The following OTX2 variants were observed in gnomAD, a reference collection of about 807,000 sequenced individuals.
OTX2 encodes homeobox protein OTX2.
A neutral mutation model predicts 29.0 loss-of-function variants in OTX2; 4 were observed. The ratio of observed to expected loss-of-function variants is 0.14; its 90% CI spans 0.07 to 0.32. OTX2 has a LOEUF of 0.32. Among genes scored for constraint, OTX2 ranks in the 10% least tolerant of loss-of-function variants. The pLI is 1.00. For synonymous variants in OTX2, 134 were observed against 141.0 expected (o/e 0.95, Z 0.35); for missense variants, 298 against 365.9 (o/e 0.81, Z 1.51).
chr14:56,803,946 C>A (rs1891982434), intron 4 of OTX2, among the ~76,000 whole-genome samples: 1 of 152,198 alleles, frequency 6.6e-6, no homozygotes. Context: ...CTCTTGAAAC[C>A]TGCTCAAGGA....
Position 56,805,351 on chromosome 14 carries a change from C to T in OTX2, c.97+9G>A. 6.3e-7 allele frequency: 1 copy of T among 1,594,360 alleles called. No individual in the cohort carries two copies. The highest frequency in any genetic ancestry group is 8.6e-7 in the Non-Finnish European group (1 of 1,162,138). ...AGAGGGGTGCGGGAGTGCAGCAGGG[C>T]TCACTTACCCGGGTAGCCCACGGAG... On this transcript the variant is annotated intron_variant, in intron 3 of 4. Transcript: ENST00000672264.
chr14:56,805,494 G>T lies in OTX2; in HGVS notation c.-38C>A. ...TGGAGGTGCAAAGTCGGCCCAAATC[G>T]GGGGTACCCAGCTGGAAGATCTTGA... On this transcript the variant is annotated 5_prime_UTR_variant, in exon 3 of 5. Coordinates refer to ENST00000672264, the MANE Select transcript of OTX2 (RefSeq NM_021728.4). The T allele has an allele frequency of 1.4e-6, 2 of 1,409,748 alleles. No homozygotes were observed. Among genetic ancestry groups the T allele is most frequent in the East Asian group, 2.3e-5 (1 of 43,660 alleles). 87.3% of individuals were successfully genotyped at this position (1,409,748 alleles called of 1,614,324 possible).
chr14:56,807,515 A>C (rs1892129378), intron 2 of OTX2, among the ~76,000 whole-genome samples: 1 of 152,180 alleles, frequency 6.6e-6, no homozygotes, highest in Non-Finnish European at 1.5e-5. Flanking sequence ...TCATACAATA[A>C]AGTAGCACAT....
rs1285502586 is a variant in OTX2 at position 56,810,237 on chromosome 14, G to T, written c.-183-15C>A. The T allele has an allele frequency of 1.3e-5, 2 of 152,098 alleles. No individual in the cohort carries two copies. The highest frequency in any genetic ancestry group is 3.8e-4 in the East Asian group (2 of 5,200). 9.4% of individuals were successfully genotyped at this position (152,098 alleles called of 1,614,324 possible). A position where few individuals can be genotyped will look rare whatever the true frequency, so the allele number is the denominator to read the frequency against. ...AGCCAGCTATCCTAAAAGAAATCAA[G>T]AGTATTGAGTTAGAAACCTTGCAGT... On this transcript the variant is annotated splice_polypyrimidine_tract_variant and intron_variant, in intron 1 of 4. Transcript: ENST00000672264.
At position 56,800,365 on chromosome 14, in the gene OTX2, A is replaced by G. The variant is rs1366431745; in HGVS notation, c.*1370T>C. On this transcript the variant is annotated 3_prime_UTR_variant, in exon 5 of 5. Coordinates refer to ENST00000672264, the MANE Select transcript of OTX2 (RefSeq NM_021728.4). The stretch of plus-strand genomic sequence containing the variant: ...TTCTCATGTTTTCAGAGATACTCCA[A>G]TTCTCCTCCTCCCTCTTAAAAACTT... 1 of 152,100 alleles carries G rather than the reference A, an allele frequency of 6.6e-6. No homozygotes were observed. The highest frequency in any genetic ancestry group is 2.1e-4 in the South Asian group (1 of 4,820). The allele number at this position is 152,100 out of a possible 1,614,324, so 9.4% of individuals were successfully genotyped here. A position where few individuals can be genotyped will look rare whatever the true frequency, so the allele number is the denominator to read the frequency against.
intron 2 of OTX2, among the ~76,000 whole-genome samples, chr14:56,809,437 T>C (rs987222745): frequency 7.5e-6 from 1 of 132,824 alleles, no homozygotes; most frequent in African/African-American, 2.7e-5. Context: ...AAAAAGGAGA[T>C]CTGGAAGCTT....
chr14:56,808,693 C>T (rs1043737352), intron 2 of OTX2, among the ~76,000 whole-genome samples: 8 of 152,132 alleles, frequency 5.3e-5, no homozygotes, highest in Admixed American at 4.6e-4. Flanking sequence ...AAATCCTGAC[C>T]CCGAAGCTCT....
chr14:56,801,581 G>T lies in OTX2; in HGVS notation c.*154C>A. 1 of 789,336 alleles carries T rather than the reference G, an allele frequency of 1.3e-6. No individual in the cohort carries two copies. The highest frequency in any genetic ancestry group is 2.1e-6 in the Non-Finnish European group (1 of 469,158). The allele number at this position is 789,336 out of a possible 1,614,324, so 48.9% of individuals were successfully genotyped here. A position where few individuals can be genotyped will look rare whatever the true frequency, so the allele number is the denominator to read the frequency against. ...GTTGCTGGTTTGTAGGCCCCTCTAA[G>T]GCCCTTCGTTTTTCCTTCTATGCCT... On this transcript the variant is annotated 3_prime_UTR_variant, in exon 5 of 5. Coordinates refer to ENST00000672264, the MANE Select transcript of OTX2 (RefSeq NM_021728.4). The surrounding 1 kb of genome is among the most constrained non-coding windows in gnomAD (Gnocchi z 4.2).
At chr14:56,806,059 G>A (rs1294696288) in intron 2 of OTX2, among the ~76,000 whole-genome samples, 1 of 152,094 alleles carries the variant, frequency 6.6e-6, no homozygotes, top group Non-Finnish European at 1.5e-5. Context: ...AACAATTCAA[G>A]AAATCTACCT....
chr14:56,805,279 G>T, intron 3 of OTX2, 81 bp downstream of exon 3: 3 of 946,308 alleles, frequency 3.2e-6, no homozygotes, highest in Non-Finnish European at 5.1e-6. Flanking sequence ...CAACCCCCGT[G>T]TTCCATGGGA....
At chr14:56,809,114 G>A (rs1309983573) in intron 2 of OTX2, among the ~76,000 whole-genome samples, 1 of 152,190 alleles carries the variant, frequency 6.6e-6, no homozygotes, top group African/African-American at 2.4e-5. Context: ...GCGAGCGCGC[G>A]GGCGAGCCCT....
In OTX2 at chr14:56,805,418, A is replaced by G. The variant is rs768254721; in HGVS notation, c.39T>C (p.Asn13=). 3 of 1,613,956 alleles carry G rather than the reference A, an allele frequency of 1.9e-6. No individual in the cohort carries two copies. The highest frequency in any genetic ancestry group is 8.5e-7 in the Non-Finnish European group (1 of 1,179,956). The change falls in exon 3 of 5, where the codon AAT becomes AAC. Residue 13 remains asparagine (N), a synonymous_variant. Coordinates refer to ENST00000672264, the MANE Select transcript of OTX2 (RefSeq NM_021728.4). ...SYLKQPPYAV[N]GLSLTTSGMD... ...TACCCGAAGTGGTCAGACTCAGCCC[A>G]TTGACTGCGTAAGGCGGTTGCTTAA...
chr14:56,809,600 G>A (rs1273460859), intron 2 of OTX2, among the ~76,000 whole-genome samples: 1 of 152,066 alleles, frequency 6.6e-6, no homozygotes. Flanking sequence ...GGGCCGACAG[G>A]GGCTCGAGCG....
At chr14:56,808,117 G>T (rs1013103310) in intron 2 of OTX2, among the ~76,000 whole-genome samples, 5 of 150,048 alleles carry the variant, frequency 3.3e-5, no homozygotes, top group Non-Finnish European at 5.9e-5. Flanking sequence ...CCCACGCCTT[G>T]TTTTTTTTTT....
At chr14:56,803,355 G>A (rs1891960707) in intron 4 of OTX2, among the ~76,000 whole-genome samples, 1 of 152,220 alleles carries the variant, frequency 6.6e-6, no homozygotes. Context: ...TTTTCTCCTA[G>A]TGAGGACTTT....
chr14:56,807,330 T>A (rs1892121966), intron 2 of OTX2, among the ~76,000 whole-genome samples: 1 of 152,164 alleles, frequency 6.6e-6, no homozygotes, highest in Non-Finnish European at 1.5e-5. Context: ...GTTGTATATG[T>A]GTTTAAACAG....
At position 56,805,362 on chromosome 14, in the gene OTX2, G is replaced by A. The variant is rs752941534; in HGVS notation, c.95C>T (p.Pro32Leu). Reference sequence around the variant, plus strand: ...GGAGTGCAGCAGGGCTCACTTACCCGGGTAGCCCACGGAGGGGTGCAGCAA... The same window carrying A: ...GGAGTGCAGCAGGGCTCACTTACCCAGGTAGCCCACGGAGGGGTGCAGCAA... ...MDLLHPSVGY[P>L]GPWASCPAAT... Residue 32 changes from proline (P) to leucine (L), a missense_variant and splice_region_variant, in exon 3 of 5, where the codon CCG becomes CTG. Pro to Leu is a moderately conservative substitution (Grantham distance 98, BLOSUM62 -3). Transcript: ENST00000672264. The A allele has an allele frequency of 6.2e-7, 1 of 1,607,504 alleles. No homozygotes were observed. Among genetic ancestry groups the A allele is most frequent in the South Asian group, 1.1e-5 (1 of 90,928 alleles).
rs148963787 is a variant in OTX2, at chr14:56,805,030, G to A, written c.97+330C>T. ...TCTGAGGAATTGGTCATTGAGATAT[G>A]GGTAGGGGTCTTTTGCCCAAATGAC... On this transcript the variant is annotated intron_variant, in intron 3 of 4. Transcript: ENST00000672264. Among the ~76,000 whole-genome samples, 58 of 152,240 alleles carry A rather than the reference G, an allele frequency of 3.8e-4. No homozygotes were observed. In the East Asian group the frequency reaches 0.01, roughly 27 times the overall value.
intron 4 of OTX2, among the ~76,000 whole-genome samples, chr14:56,803,627 A>G (rs559288258): frequency 6.6e-6 from 1 of 152,330 alleles, no homozygotes; most frequent in African/African-American, 2.4e-5. Flanking sequence ...GGGTGTCACT[A>G]GAGACATTAT....
Sources: gnomAD v4.1 joint callset for allele counts (sites outside exome capture counted in the v4.1 genomes callset) on GRCh38, gnomAD v4.1.1 for gene constraint, Gnocchi (gnomAD v3.1) non-coding constraint, MANE v1.5 for transcripts, NCBI Gene and HGNC (gene_info 2026-07-23, HGNC 2026-07-21) for gene names.